The following STIM1 variants were observed in gnomAD, a reference collection of about 807,000 sequenced individuals.
STIM1 encodes stromal interaction molecule 1.
Under a neutral mutation model 74.7 loss-of-function variants are expected in STIM1, and 25 were observed. The observed-to-expected ratio is 0.33, with a 90% CI of 0.24 to 0.47. The LOEUF is 0.47. Among genes scored for constraint, STIM1 ranks in the 20% least tolerant of loss-of-function variants. STIM1 has a pLI of 1.00. For synonymous variants in STIM1, 328 were observed against 348.8 expected (o/e 0.94, Z 0.66); for missense variants, 728 against 920.8 (o/e 0.79, Z 2.71).
intron 1 of STIM1, among the ~76,000 whole-genome samples, chr11:3,916,771 A>G (rs1231224871): frequency 1.3e-5 from 2 of 151,758 alleles, no homozygotes; most frequent in East Asian, 3.9e-4. Flanking sequence ...TATTTTTAGT[A>G]GAGACGGGGT....
chr11:3,888,702 C>T (rs1038126138), intron 1 of STIM1, among the ~76,000 whole-genome samples: 4 of 152,014 alleles, frequency 2.6e-5, no homozygotes, highest in African/African-American at 7.3e-5. Context: ...AGGTGTGCAC[C>T]ACCATACCCA....
chr11:3,985,526 G>T (rs1049635593), intron 2 of STIM1, among the ~76,000 whole-genome samples: 3 of 152,150 alleles, frequency 2.0e-5, no homozygotes, highest in African/African-American at 7.2e-5. Context: ...GGGACAAAGG[G>T]TTTGGCCTGA....
chr11:3,982,395 C>T (rs2093515193), intron 2 of STIM1, among the ~76,000 whole-genome samples: 1 of 152,156 alleles, frequency 6.6e-6, no homozygotes, highest in Non-Finnish European at 1.5e-5. Context: ...GTAATTCCTA[C>T]CTTGAAAGAT....
At chr11:3,961,969 T>C (rs1198103792) in intron 1 of STIM1, among the ~76,000 whole-genome samples, 1 of 152,248 alleles carries the variant, frequency 6.6e-6, no homozygotes, top group Non-Finnish European at 1.5e-5. Context: ...ACATTTTTGC[T>C]GTTAGCATGA....
chr11:4,021,581 A>G (rs1049488756), intron 2 of STIM1, among the ~76,000 whole-genome samples: 3 of 152,126 alleles, frequency 2.0e-5, no homozygotes, highest in Admixed American at 6.5e-5. Context: ...TTCAGTTACT[A>G]TTGTTTTGGA....
At position 4,012,134 on chromosome 11, in the gene STIM1, G is replaced by A. The variant is rs2093843401; in HGVS notation, c.271-11739G>A. On this transcript the variant is annotated intron_variant, in intron 2 of 12. Coordinates refer to ENST00000526596, the MANE Select transcript of STIM1 (RefSeq NM_001382567.1). The stretch of plus-strand genomic sequence containing the variant: ...CTGTTTTGGTTACTGTAGCCTTGTA[G>A]CATAGTTTGAAGTCAGGTAGTGTGA... Among the ~76,000 whole-genome samples, 5 of 152,186 alleles carry A rather than the reference G, an allele frequency of 3.3e-5. No homozygotes were observed. The South Asian group carries it at 1.0e-3, about 32-fold the overall frequency.
At chr11:4,091,260 C>T (rs759752765) in intron 12 of STIM1, 22 bp from the exon 13 acceptor site, 1 of 1,614,024 alleles carries the variant, frequency 6.2e-7, no homozygotes, top group Non-Finnish European at 8.5e-7. Flanking sequence ...CCCTTTCTTC[C>T]TCTCTGCCCC....
chr11:3,868,343 T>A (rs2090948377), intron 1 of STIM1: 1 of 152,252 alleles, frequency 6.6e-6, no homozygotes, highest in African/African-American at 2.4e-5. Flanking sequence ...GCAAAACAAC[T>A]CTTAAGGGTG....
intron 2 of STIM1, among the ~76,000 whole-genome samples, chr11:3,989,766 G>A (rs1428420041): frequency 1.3e-5 from 2 of 152,210 alleles, no homozygotes; most frequent in African/African-American, 2.4e-5. Flanking sequence ...CACAAGAACA[G>A]CAGAGTTGTG....
intron 3 of STIM1, among the ~76,000 whole-genome samples, chr11:4,031,818 G>T (rs2094052956): frequency 6.6e-6 from 1 of 152,154 alleles, no homozygotes; most frequent in Non-Finnish European, 1.5e-5. Context: ...CAGATCTGTG[G>T]CTTGTCCTAT....
rs190765811 is a variant in STIM1, at chr11:3,912,655, C to T, written c.140-54897C>T. Among the ~76,000 whole-genome samples the T allele has an allele frequency of 1.5e-3, 227 of 152,130 alleles. 1 individual carries two copies. The highest frequency in any genetic ancestry group is 5.4e-3 in the South Asian group (26 of 4,806). On this transcript the variant is annotated intron_variant, in intron 1 of 12. Transcript: ENST00000526596. ...TGTTGGGATTACAGGTGTGAGCCAC[C>T]GTGTGCAGCCAAATCATTTGTTTAA... is the stretch of plus-strand genomic sequence containing the variant.
intron 2 of STIM1, among the ~76,000 whole-genome samples, chr11:4,000,017 C>T (rs1239507677): frequency 2.0e-5 from 3 of 152,046 alleles, no homozygotes; most frequent in African/African-American, 4.8e-5. Flanking sequence ...TGCAAGGCGG[C>T]AGCGAGGCTG....
chr11:3,981,290 A>C (rs1202900830), intron 2 of STIM1, among the ~76,000 whole-genome samples: 2 of 152,176 alleles, frequency 1.3e-5, no homozygotes, highest in Admixed American at 6.5e-5. Flanking sequence ...GTTCGAGAGT[A>C]CTTGGCATGA....
In STIM1 at chr11:3,855,865, C is replaced by T; in HGVS notation, c.-406C>T. 4.5e-6 allele frequency: 1 copy of T among 220,972 alleles called. No homozygotes were observed. Among genetic ancestry groups the T allele is most frequent in the African/African-American group, 2.3e-5 (1 of 43,250 alleles). 13.7% of individuals were successfully genotyped at this position (220,972 alleles called of 1,614,324 possible). A position where few individuals can be genotyped will look rare whatever the true frequency, so the allele number is the denominator to read the frequency against. The stretch of plus-strand genomic sequence containing the variant: ...TCGCCGCTCTTCGGCAGGGCGAGGT[C>T]AGGTGCCCCCTTCTCGCCTCTCTTC... On this transcript the variant is annotated 5_prime_UTR_variant, in exon 1 of 13. Coordinates refer to ENST00000526596, the MANE Select transcript of STIM1 (RefSeq NM_001382567.1).
intron 3 of STIM1, among the ~76,000 whole-genome samples, chr11:4,030,339 A>AAAAG (rs530230096): frequency 4.6e-5 from 7 of 150,764 alleles, no homozygotes; most frequent in South Asian, 2.1e-4. Context: ...AAAAAAAAAA[A>AAAAG]AAAGAAAGAA....
intron 2 of STIM1, among the ~76,000 whole-genome samples, chr11:3,980,613 A>T (rs2093493345): frequency 7.0e-6 from 1 of 142,432 alleles, no homozygotes. Flanking sequence ...ATCTCTTTAA[A>T]AAAAAAAAAA....
In STIM1 at chr11:3,888,568, C is replaced by T. The variant is rs114578780; in HGVS notation, c.139+32159C>T. 5.7e-3 allele frequency among the ~76,000 whole-genome samples: 865 copies of T among 152,044 alleles called. 7 individuals carry two copies. Among genetic ancestry groups the T allele is most frequent in the African/African-American group, 0.02 (831 of 41,460 alleles). ...TTTTTGAATTTTTGAGACAGAGTCT[C>T]CCTCTGTTGCCCAGGCTAGTGTGCA... is the stretch of plus-strand genomic sequence containing the variant. On this transcript the variant is annotated intron_variant, in intron 1 of 12. Coordinates refer to ENST00000526596, the MANE Select transcript of STIM1 (RefSeq NM_001382567.1).
chr11:3,937,468 T>C (rs2092948760), intron 1 of STIM1, among the ~76,000 whole-genome samples: 1 of 152,216 alleles, frequency 6.6e-6, no homozygotes, highest in Non-Finnish European at 1.5e-5. Flanking sequence ...AGTAGAGAAC[T>C]AAAGAATCTT....
At chr11:3,957,610 T>A (rs2093231854) in intron 1 of STIM1, among the ~76,000 whole-genome samples, 2 of 152,034 alleles carry the variant, frequency 1.3e-5, no homozygotes. Flanking sequence ...AAGGCTGGAG[T>A]GCAGTGTCAT....
Sources: gnomAD v4.1 joint callset for allele counts (sites outside exome capture counted in the v4.1 genomes callset) on GRCh38, gnomAD v4.1.1 for gene constraint, MANE v1.5 for transcripts, NCBI Gene and HGNC (gene_info 2026-07-23, HGNC 2026-07-21) for gene names.